The following BRD9 variants were observed in gnomAD, a reference collection of about 807,000 sequenced individuals.
The protein encoded by BRD9 is bromodomain-containing protein 9.
A neutral mutation model predicts 68.7 loss-of-function variants in BRD9; 47 were observed. That is an observed-to-expected ratio of 0.68 (90% CI 0.54 to 0.87). BRD9 has a LOEUF of 0.87. Ranked by LOEUF, BRD9 falls within the 40% of genes least tolerant of loss-of-function variation. The pLI, the probability that BRD9 is intolerant of heterozygous loss-of-function variation, is 0.00. For missense variants in BRD9, 670 were observed against 748.4 expected (o/e 0.90, Z 1.22); for synonymous variants, 313 against 293.9 (o/e 1.06, Z -0.67).
rs531031437 is a variant in BRD9 at position 863,857 on chromosome 5, G to C, written c.*611C>G. 1 of 152,604 alleles carries C rather than the reference G, an allele frequency of 6.6e-6. No homozygotes were observed. Among genetic ancestry groups the C allele is most frequent in the South Asian group, 2.1e-4 (1 of 4,836 alleles). The allele number at this position is 152,604 out of a possible 1,614,324, so 9.5% of individuals were successfully genotyped here. On this transcript the variant is annotated 3_prime_UTR_variant, in exon 16 of 16. Transcript: ENST00000467963. ...AAACAGGGGAGCTCTCCTCACCCCAGCCTGGCCCTGTGCTCCCCAATGGCC... is the reference window on the plus strand; with the variant it reads ...AAACAGGGGAGCTCTCCTCACCCCACCCTGGCCCTGTGCTCCCCAATGGCC...
chr5:880,765 C>T lies in BRD9; in HGVS notation c.1042+342G>A, dbSNP rs1751618238. On this transcript the variant is annotated intron_variant, in intron 9 of 15. Coordinates refer to ENST00000467963, the MANE Select transcript of BRD9 (RefSeq NM_023924.5). ...ATTCAAGGAGCAGGGTGGGCCAGCACTCTGGTCTTTGCTGAAGACTGAGCT... is the reference window on the plus strand; with the variant it reads ...ATTCAAGGAGCAGGGTGGGCCAGCATTCTGGTCTTTGCTGAAGACTGAGCT... Among the ~76,000 whole-genome samples the T allele has an allele frequency of 2.6e-5, 4 of 152,354 alleles. No individual in the cohort carries two copies. In the South Asian group the frequency reaches 8.3e-4, roughly 32 times the overall value.
chr5:881,372 A>G, intron 8 of BRD9, 190 bp from the exon 9 acceptor site: 1 of 616,638 alleles, frequency 1.6e-6, no homozygotes. Context: ...CACAGGTGCC[A>G]AGGAGAACCT....
chr5:876,237 C>A lies in BRD9; in HGVS notation c.1272-25G>T, dbSNP rs770678492. 5.1e-6 allele frequency: 8 copies of A among 1,579,110 alleles called. No individual in the cohort carries two copies. In the Admixed American group the frequency reaches 1.2e-4, roughly 23 times the overall value. ...GCTAGAGGGGCCGCGGGAGAAGGTA[C>A]GCTGAAAGGAGCCCTTGTCGCCTGG... On this transcript the variant is annotated intron_variant, in intron 11 of 15. Transcript: ENST00000467963.
intron 12 of BRD9, 67 bp from the exon 13 acceptor site, chr5:871,631 G>T: frequency 7.0e-7 from 1 of 1,424,944 alleles, no homozygotes; most frequent in South Asian, 1.1e-5. Context: ...ACAATTCGCT[G>T]ACATTACACA....
chr5:885,914 T>C (rs997703457), intron 7 of BRD9, among the ~76,000 whole-genome samples: 1 of 152,090 alleles, frequency 6.6e-6, no homozygotes, highest in East Asian at 1.9e-4. Flanking sequence ...CGGACTTTGA[T>C]ACAATCTCAA....
chr5:891,387 A>AG, intron 2 of BRD9, 100 bp from the exon 3 acceptor site: 1 of 1,459,944 alleles, frequency 6.8e-7, no homozygotes, highest in Non-Finnish European at 9.1e-7. Context: ...GACAGAACTA[A>AG]GGGAAACCCC....
chr5:865,879 G>A (rs1749314447), intron 14 of BRD9: 3 of 292,734 alleles, frequency 1.0e-5, no homozygotes, highest in Non-Finnish European at 6.3e-6. Flanking sequence ...GAGGGATGTG[G>A]CCACAACCCA....
intron 14 of BRD9, 157 bp downstream of exon 14, chr5:870,316 A>G (rs1749953583): frequency 3.2e-6 from 2 of 615,868 alleles, no homozygotes; most frequent in Non-Finnish European, 5.8e-6. Flanking sequence ...TTTAGGAGCT[A>G]TGGTCCAAAA....
At chr5:869,647 G>T (rs944507609) in intron 14 of BRD9, among the ~76,000 whole-genome samples, 1 of 152,168 alleles carries the variant, frequency 6.6e-6, no homozygotes, top group Non-Finnish European at 1.5e-5. Context: ...TATGTGACAA[G>T]AACCTTGGCT....
rs543226333 is a variant in BRD9, at chr5:874,046, G to T, written c.1383+2055C>A. Among the ~76,000 whole-genome samples the T allele has an allele frequency of 9.1e-4, 138 of 152,356 alleles. 1 individual carries two copies. The highest frequency in any genetic ancestry group is 3.2e-3 in the African/African-American group (135 of 41,588). On this transcript the variant is annotated intron_variant, in intron 12 of 15. Transcript: ENST00000467963. ...GATCATCAGTATTCTCTGAAAGAGA[G>T]AAAGAACCCAGATCAGCCTTGCCCA...
At chr5:883,720 A>G in intron 8 of BRD9, 1 of 624,294 alleles carries the variant, frequency 1.6e-6, no homozygotes, top group South Asian at 2.0e-5. Context: ...GGCCTCCACG[A>G]TGCATGAAAC....
chr5:888,300 G>A (rs1189966443), intron 5 of BRD9: 2 of 152,380 alleles, frequency 1.3e-5, no homozygotes, highest in Non-Finnish European at 2.9e-5. Flanking sequence ...CGGGCATGGA[G>A]TGCTCTTAAC....
chr5:873,808 G>A (rs1011688470), intron 12 of BRD9, among the ~76,000 whole-genome samples: 1 of 152,186 alleles, frequency 6.6e-6, no homozygotes, highest in South Asian at 2.1e-4. Context: ...CCCTCCTTGG[G>A]AGCCATGAGC....
chr5:876,870 T>G lies in BRD9; in HGVS notation c.1272-658A>C, dbSNP rs1346945596. On this transcript the variant is annotated intron_variant, in intron 11 of 15. Transcript: ENST00000467963. ...GCAACAGGGAGACTCCGTGTCTTTG[T>G]TAAAACACCCACAGCCCGGGACAGG... 2.0e-5 allele frequency among the ~76,000 whole-genome samples: 3 copies of G among 152,062 alleles called. No homozygotes were observed. The East Asian group carries it at 5.8e-4, about 29-fold the overall frequency.
intron 5 of BRD9, among the ~76,000 whole-genome samples, 195 bp from the exon 6 acceptor site, chr5:887,666 A>C (rs943252508): frequency 9.9e-5 from 15 of 152,234 alleles, no homozygotes; most frequent in Non-Finnish European, 1.9e-4. Context: ...CTTGCATGAA[A>C]AATATTACAG....
intron 6 of BRD9, among the ~76,000 whole-genome samples, chr5:887,151 G>A (rs761442260): frequency 6.6e-6 from 1 of 152,228 alleles, no homozygotes; most frequent in Non-Finnish European, 1.5e-5. Context: ...AAGAGATGCG[G>A]AACTTTCCAC....
chr5:875,925 C>T (rs1484687947), intron 12 of BRD9, among the ~76,000 whole-genome samples, 176 bp downstream of exon 12: 2 of 152,214 alleles, frequency 1.3e-5, no homozygotes, highest in Non-Finnish European at 2.9e-5. Flanking sequence ...CACACAGTCA[C>T]GGTCTCCGGG....
chr5:866,396 T>C (rs1407993535), intron 14 of BRD9: 1 of 152,202 alleles, frequency 6.6e-6, no homozygotes, highest in African/African-American at 2.4e-5. Flanking sequence ...TATCAGGGAA[T>C]CAGTAGACAA....
Position 892,691 on chromosome 5 carries a change from G to T in BRD9, c.-34C>A. 7.3e-7 allele frequency: 1 copy of T among 1,377,764 alleles called. No homozygotes were observed. The highest frequency in any genetic ancestry group is 1.7e-5 in the South Asian group (1 of 57,804). The allele number at this position is 1,377,764 out of a possible 1,614,324, so 85.3% of individuals were successfully genotyped here. A position where few individuals can be genotyped will look rare whatever the true frequency, so the allele number is the denominator to read the frequency against. On this transcript the variant is annotated 5_prime_UTR_variant, in exon 1 of 16. Coordinates refer to ENST00000467963, the MANE Select transcript of BRD9 (RefSeq NM_023924.5). ...CGGCGGCGGGCCCGAGGCGGGGGCT[G>T]GGAACAGCTGGCACCCGGTCGGACC...
Sources: allele counts gnomAD v4.1 joint callset (sites outside exome capture counted in the v4.1 genomes callset), GRCh38; gene constraint gnomAD v4.1.1; transcripts MANE v1.5; gene names NCBI Gene and HGNC (gene_info 2026-07-23, HGNC 2026-07-21).